GCM1: variants seen among roughly 807,000 people sequenced by gnomAD.
The protein encoded by GCM1 is GCM transcription factor 1, also known as chorion-specific transcription factor GCMa.
Under a neutral mutation model 25.7 loss-of-function variants are expected in GCM1, and 2 were observed. The observed-to-expected ratio is 0.08, with a 90% confidence interval of 0.03 to 0.24. The LOEUF is 0.24. GCM1 is among the 10% of genes least tolerant of loss of function. The pLI is 1.00. For synonymous variants in GCM1, 183 were observed against 195.7 expected (o/e 0.94, Z 0.54); for missense variants, 395 against 538.7 (o/e 0.73, Z 2.64).
At position 53,129,736 on chromosome 6, in the gene GCM1, C is replaced by A. The variant is rs558542770; in HGVS notation, c.571-790G>T. Reference sequence around the variant, plus strand: ...TTAGTGCTGGTTGGAGTGTGAGAGACCATGGTTGCTATTGTTTTTTAGTTT... The same window carrying A: ...TTAGTGCTGGTTGGAGTGTGAGAGAACATGGTTGCTATTGTTTTTTAGTTT... On this transcript the variant is annotated intron_variant, in intron 5 of 5. Transcript: ENST00000259803. Among the ~76,000 whole-genome samples the A allele has an allele frequency of 2.6e-5, 4 of 152,246 alleles. No homozygotes were observed. In the East Asian group the frequency reaches 7.7e-4, roughly 29 times the overall value.
intron 2 of GCM1, among the ~76,000 whole-genome samples, chr6:53,144,015 G>T (rs1763917921): frequency 6.6e-6 from 1 of 152,262 alleles, no homozygotes; most frequent in Non-Finnish European, 1.5e-5. Context: ...ACTTTTTCAT[G>T]ACTTGGTACT....
In GCM1 at chr6:53,128,414, A is replaced by G. The variant is rs745971206; in HGVS notation, c.1103T>C (p.Val368Ala). The part of the protein sequence containing the change: ...NPAGNLYEEK[V>A]HVDFNSYVQS... ...GACGTAGCTGTTAAAATCCACATGT[A>G]CTTTCTCTTCATAAAGATTACCCGC... The change falls in exon 6 of 6, where the codon GTA becomes GCA. Residue 368 changes from valine to alanine, a missense_variant. Val to Ala is a moderately conservative substitution (Grantham distance 64). Around this residue, in one of 5 missense-constraint regions of GCM1, gnomAD observed 291 missense variants for 314.6 expected, o/e 0.92. Coordinates refer to ENST00000259803, the MANE Select transcript of GCM1 (RefSeq NM_003643.4). 7.4e-6 allele frequency: 12 copies of G among 1,613,866 alleles called. No homozygotes were observed. The Admixed American group carries it at 1.7e-4, about 22-fold the overall frequency.
In GCM1 at chr6:53,128,490, A is replaced by G. The variant is rs888545500; in HGVS notation, c.1027T>C (p.Leu343=). ...SSEPFYQQLP[L]EPPAAKTGCP... ...CCAGTTTTGGCTGCAGGTGGCTCCA[A>G]TGGAAGCTGCTGGTAAAAGGGTTCT... The change falls in exon 6 of 6, where the codon TTG becomes CTG. Residue 343 remains leucine, a synonymous_variant. Transcript: ENST00000259803. 2.4e-5 allele frequency: 38 copies of G among 1,614,062 alleles called. No individual in the cohort carries two copies. In the Admixed American group the frequency reaches 3.3e-4, roughly 14 times the overall value.
chr6:53,147,118 G>A (rs1763969245), intron 1 of GCM1, among the ~76,000 whole-genome samples: 1 of 152,098 alleles, frequency 6.6e-6, no homozygotes, highest in Admixed American at 6.5e-5. Flanking sequence ...CTTCCCTCAC[G>A]AGAAATAGTG....
At chr6:53,138,867 T>G (rs777311931) in intron 2 of GCM1, among the ~76,000 whole-genome samples, 4 of 152,214 alleles carry the variant, frequency 2.6e-5, no homozygotes, top group Non-Finnish European at 4.4e-5. Flanking sequence ...CTCTATGCAC[T>G]TCTAGAACAC....
Position 53,128,948 on chromosome 6 carries a change from TGGAAA to T in GCM1, c.571-7_571-3del, listed in dbSNP as rs767330728. On this transcript the variant is annotated splice_polypyrimidine_tract_variant and splice_region_variant and intron_variant, in intron 5 of 5. Transcript: ENST00000259803. The stretch of plus-strand genomic sequence containing the variant: ...ACTTTGTGTTTCACCTGGAAGAGAC[TGGAAA>T]GGAAAGTGAAATGCTCGTGTTAATA... The T allele has an allele frequency of 6.2e-7, 1 of 1,609,222 alleles. No individual in the cohort carries two copies. Among genetic ancestry groups the T allele is most frequent in the African/African-American group, 1.3e-5 (1 of 74,786 alleles).
intron 3 of GCM1, among the ~76,000 whole-genome samples, chr6:53,132,868 C>T (rs529503067): frequency 4.6e-5 from 7 of 152,296 alleles, no homozygotes; most frequent in African/African-American, 1.7e-4. Flanking sequence ...AAACAAACTA[C>T]TGGGAAAAAT....
At chr6:53,144,205 C>T (rs1306633574) in intron 2 of GCM1, among the ~76,000 whole-genome samples, 1 of 152,086 alleles carries the variant, frequency 6.6e-6, no homozygotes, top group Non-Finnish European at 1.5e-5. Flanking sequence ...AAGGGTTGTT[C>T]GTGGCCAGTA....
At chr6:53,133,042 C>T (rs1180677815) in intron 3 of GCM1, among the ~76,000 whole-genome samples, 3 of 152,208 alleles carry the variant, frequency 2.0e-5, no homozygotes, top group Non-Finnish European at 2.9e-5. Flanking sequence ...ACAGCTGCCA[C>T]TCCACATTAA....
At chr6:53,140,445 A>G (rs1763857866) in intron 2 of GCM1, among the ~76,000 whole-genome samples, 2 of 151,302 alleles carry the variant, frequency 1.3e-5, no homozygotes, top group South Asian at 4.2e-4. Context: ...GCTGGCTAAA[A>G]TCATAGTCCA....
intron 2 of GCM1, among the ~76,000 whole-genome samples, chr6:53,143,413 G>C (rs1763909084): frequency 6.6e-6 from 1 of 152,066 alleles, no homozygotes; most frequent in Non-Finnish European, 1.5e-5. Flanking sequence ...AGAAAAAATT[G>C]CCAGTTAAGA....
At chr6:53,147,382 A>G (rs1013087158) in intron 1 of GCM1, among the ~76,000 whole-genome samples, 1 of 151,290 alleles carries the variant, frequency 6.6e-6, no homozygotes. Context: ...TTAATAGTCT[A>G]AGCTTTGGCG....
chr6:53,135,907 A>T (rs918669282), intron 2 of GCM1, among the ~76,000 whole-genome samples: 1 of 152,250 alleles, frequency 6.6e-6, no homozygotes, highest in Non-Finnish European at 1.5e-5. Context: ...TTGTAACTTG[A>T]GACTCTGGGC....
chr6:53,146,313 G>T (rs1479820937), intron 1 of GCM1, among the ~76,000 whole-genome samples: 1 of 148,760 alleles, frequency 6.7e-6, no homozygotes, highest in Non-Finnish European at 1.5e-5. Context: ...TCTGCCTCTT[G>T]GGTTCAAGCA....
intron 3 of GCM1, 48 bp downstream of exon 3, chr6:53,134,024 A>C (rs767485304): frequency 6.4e-7 from 1 of 1,574,750 alleles, no homozygotes; most frequent in South Asian, 1.1e-5. Flanking sequence ...TGGCAGGGGC[A>C]TCTGAGGGAT....
At chr6:53,130,780 G>A (rs1328054416) in intron 5 of GCM1, 23 bp downstream of exon 5, 2 of 1,603,202 alleles carry the variant, frequency 1.2e-6, no homozygotes, top group South Asian at 2.2e-5. Context: ...TGCATGTATT[G>A]AACATACATA....
At chr6:53,133,705 G>A (rs921640750) in intron 3 of GCM1, among the ~76,000 whole-genome samples, 7 of 152,070 alleles carry the variant, frequency 4.6e-5, no homozygotes, top group African/African-American at 7.2e-5. Context: ...TGTTGCCCCG[G>A]CTGGTCTGGA....
At chr6:53,136,107 C>G (rs1421487665) in intron 2 of GCM1, among the ~76,000 whole-genome samples, 1 of 152,232 alleles carries the variant, frequency 6.6e-6, no homozygotes, top group East Asian at 1.9e-4. Context: ...GTTTTAGGTA[C>G]ATGCAGGGTA....
Position 53,132,116 on chromosome 6 carries a change from T to C in GCM1, c.332A>G (p.Lys111Arg). Reference sequence around the variant, plus strand: ...AGGCCCGTCACAGTTGGGACAGCGTTTCCCTACAAAAGAGCAGAGGAAAAT... The same window carrying C: ...AGGCCCGTCACAGTTGGGACAGCGTCTCCCTACAAAAGAGCAGAGGAAAAT... ...CDKARQKQQR[K>R]RCPNCDGPLK... The change falls in exon 4 of 6, where the codon AAA becomes AGA. Residue 111 changes from lysine to arginine, a missense_variant. By Grantham distance (26) the Lys-to-Arg change is conservative. This residue lies in a region of GCM1 where 32 missense variants were observed against 97.7 expected (regional missense o/e 0.33). Transcript: ENST00000259803. 6.2e-7 allele frequency: 1 copy of C among 1,601,528 alleles called. No individual in the cohort carries two copies. The highest frequency in any genetic ancestry group is 2.2e-5 in the East Asian group (1 of 44,824).
Sources: allele counts gnomAD v4.1 joint callset (sites outside exome capture counted in the v4.1 genomes callset), GRCh38; gene constraint gnomAD v4.1.1; regional missense constraint gnomAD v4.1.1; transcripts MANE v1.5; gene names NCBI Gene and HGNC (gene_info 2026-07-23, HGNC 2026-07-21).